The following CSMD1 variants were observed in gnomAD, a reference collection of about 807,000 sequenced individuals.
CSMD1 encodes the protein CUB and Sushi multiple domains 1, also known as CUB and sushi domain-containing protein 1.
In CSMD1, 213 loss-of-function variants were observed where a neutral mutation model predicts 417.5. That is an observed-to-expected ratio of 0.51 (90% CI 0.46 to 0.57). The LOEUF is 0.57. Among genes scored for constraint, CSMD1 ranks in the 20% least tolerant of loss-of-function variants. The probability of loss-of-function intolerance (pLI) is 0.00; values close to 1 mark genes in which losing one functional copy is unlikely to be tolerated. For missense variants in CSMD1, 6,923 were observed against 4,529.7 expected, an observed-to-expected ratio of 1.53 and a Z score of -15.17; for synonymous variants, 2,862 against 1,736.8, an observed-to-expected ratio of 1.65 and a Z score of -16.11.
intron 2 of CSMD1, among the ~76,000 whole-genome samples, chr8:4,446,139 TGA>T (rs972705399): frequency 1.2e-4 from 18 of 152,300 alleles, no homozygotes; most frequent in Admixed American, 3.9e-4. Context: ...GTTACATACG[TGA>T]GTTTTGAACT....
At chr8:3,589,932 A>G (rs1276447474) in intron 8 of CSMD1, among the ~76,000 whole-genome samples, 1 of 142,598 alleles carries the variant, frequency 7.0e-6, no homozygotes, top group Non-Finnish European at 1.5e-5. Context: ...TTCTGGCAAT[A>G]TATGTTTATC....
chr8:3,675,472 G>C (rs543162101), intron 7 of CSMD1, among the ~76,000 whole-genome samples: 6 of 152,302 alleles, frequency 3.9e-5, no homozygotes, highest in African/African-American at 1.2e-4. Context: ...GATTGCAATG[G>C]ACTGAATATT....
intron 12 of CSMD1, among the ~76,000 whole-genome samples, chr8:3,447,608 C>G (rs1193867822): frequency 6.6e-6 from 1 of 152,196 alleles, no homozygotes; most frequent in Non-Finnish European, 1.5e-5. Context: ...AGCCCCTGCA[C>G]ATGTGATCAT....
At chr8:4,829,536 G>C (rs1020158327) in intron 1 of CSMD1, among the ~76,000 whole-genome samples, 7 of 152,096 alleles carry the variant, frequency 4.6e-5, no homozygotes, top group African/African-American at 1.7e-4. Context: ...GAGCCCAGGA[G>C]TTCAAGAGCA....
chr8:4,253,154 A>C (rs940868079), intron 3 of CSMD1, among the ~76,000 whole-genome samples: 1 of 152,086 alleles, frequency 6.6e-6, no homozygotes, highest in African/African-American at 2.4e-5. Context: ...AAAACGATAA[A>C]CTCATTAGGA....
intron 10 of CSMD1, among the ~76,000 whole-genome samples, chr8:3,544,050 G>A (rs1798553722): frequency 6.6e-6 from 1 of 152,098 alleles, no homozygotes; most frequent in South Asian, 2.1e-4. Context: ...GAAGTGTCCA[G>A]TGCTAACCAC....
At chr8:4,543,967 T>G (rs1197561819) in intron 2 of CSMD1, among the ~76,000 whole-genome samples, 2 of 152,184 alleles carry the variant, frequency 1.3e-5, no homozygotes, top group Non-Finnish European at 2.9e-5. Context: ...TTAGCCCATT[T>G]ATTAGGTTCA....
At chr8:3,276,108 G>C (rs1408207430) in intron 26 of CSMD1, among the ~76,000 whole-genome samples, 2 of 152,112 alleles carry the variant, frequency 1.3e-5, no homozygotes, top group Non-Finnish European at 2.9e-5. Context: ...TGGGTTTTTG[G>C]TGTGGATGTC....
chr8:3,892,361 G>A (rs751392219), intron 5 of CSMD1, among the ~76,000 whole-genome samples: 4 of 152,060 alleles, frequency 2.6e-5, no homozygotes, highest in African/African-American at 7.2e-5. Flanking sequence ...TGTGGGGAAC[G>A]TATTATGCTT....
intron 5 of CSMD1, among the ~76,000 whole-genome samples, chr8:3,917,076 G>A (rs1194932872): frequency 1.3e-5 from 2 of 152,030 alleles, no homozygotes; most frequent in African/African-American, 2.4e-5. Context: ...TGTTTCTTAA[G>A]ACACCAGGCA....
At chr8:3,336,138 G>C (rs1241192124) in intron 23 of CSMD1, among the ~76,000 whole-genome samples, 1 of 149,624 alleles carries the variant, frequency 6.7e-6, no homozygotes, top group Non-Finnish European at 1.5e-5. Flanking sequence ...CCAAACCTCT[G>C]TTCCCTCATA....
intron 57 of CSMD1, among the ~76,000 whole-genome samples, chr8:2,972,472 G>C (rs904557923): frequency 2.0e-5 from 3 of 152,046 alleles, no homozygotes; most frequent in Admixed American, 1.3e-4. Flanking sequence ...TTTGAACTCC[G>C]AATACATGGT....
intron 2 of CSMD1, among the ~76,000 whole-genome samples, chr8:4,591,396 G>A (rs1799975038): frequency 6.6e-6 from 1 of 152,202 alleles, no homozygotes; most frequent in Non-Finnish European, 1.5e-5. Context: ...ACTATTCCAG[G>A]TGGAGAAGGG....
At chr8:3,242,986 C>T (rs950145270) in intron 26 of CSMD1, among the ~76,000 whole-genome samples, 5 of 152,050 alleles carry the variant, frequency 3.3e-5, no homozygotes, top group African/African-American at 7.2e-5. Context: ...GGCTGCCTTC[C>T]GTAGTCCGTG....
chr8:4,170,131 C>G (rs140839076), intron 3 of CSMD1, among the ~76,000 whole-genome samples: 3 of 151,824 alleles, frequency 2.0e-5, no homozygotes, highest in Admixed American at 2.0e-4. Context: ...CCAGGGGCTT[C>G]TCTTGTAAAA....
intron 1 of CSMD1, among the ~76,000 whole-genome samples, chr8:4,873,194 G>C (rs1396730306): frequency 6.6e-6 from 1 of 152,104 alleles, no homozygotes; most frequent in Non-Finnish European, 1.5e-5. Context: ...GCAACAATGA[G>C]TAATCTGTAT....
chr8:3,222,842 G>T (rs560723013), intron 28 of CSMD1, among the ~76,000 whole-genome samples: 1 of 152,148 alleles, frequency 6.6e-6, no homozygotes, highest in South Asian at 2.1e-4. Flanking sequence ...TCATAGAAAC[G>T]TAAAATTCTA....
chr8:3,682,744 T>A (rs1157385950), intron 7 of CSMD1, among the ~76,000 whole-genome samples: 2 of 152,192 alleles, frequency 1.3e-5, no homozygotes, highest in African/African-American at 2.4e-5. Context: ...CATGCACACG[T>A]ATGTTTATTG....
intron 5 of CSMD1, among the ~76,000 whole-genome samples, chr8:3,984,402 G>T (rs185070528): frequency 1.3e-5 from 2 of 152,040 alleles, no homozygotes; most frequent in South Asian, 4.1e-4. Flanking sequence ...TTCTAAACTG[G>T]TGAGTACTTT....
Sources: gnomAD v4.1 joint callset for allele counts (sites outside exome capture counted in the v4.1 genomes callset) on GRCh38, gnomAD v4.1.1 for gene constraint, MANE v1.5 for transcripts, NCBI Gene and HGNC (gene_info 2026-07-23, HGNC 2026-07-21) for gene names.